Variants in DENND5A observed in about 807,000 individuals in gnomAD.
The protein encoded by DENND5A is DENN domain containing 5A, also known as DENN domain-containing protein 5A.
Under a neutral mutation model 140.3 loss-of-function variants are expected in DENND5A, and 64 were observed. That is an observed-to-expected ratio of 0.46 (90% CI 0.37 to 0.56). The LOEUF is 0.56. Ranked by LOEUF, DENND5A falls within the 20% of genes least tolerant of loss-of-function variation. The probability of loss-of-function intolerance (pLI) is 0.00; values close to 1 mark genes in which losing one functional copy is unlikely to be tolerated. For synonymous variants in DENND5A, 605 were observed against 607.7 expected (o/e 1.00, Z 0.07); for missense variants, 1,292 against 1,593.8 (o/e 0.81, Z 3.22).
chr11:9,150,775 C>T lies in DENND5A; in HGVS notation c.2522-11G>A. Reference sequence around the variant, plus strand: ...AATCAAGAAGTATTCCTAGAATAAACAAGTTGGTCATGTCCAAAGAGATCT... The same window carrying T: ...AATCAAGAAGTATTCCTAGAATAAATAAGTTGGTCATGTCCAAAGAGATCT... On this transcript the variant is annotated splice_polypyrimidine_tract_variant and intron_variant, in intron 13 of 22. Coordinates refer to ENST00000328194, the MANE Select transcript of DENND5A (RefSeq NM_015213.4). The T allele has an allele frequency of 6.3e-7, 1 of 1,595,376 alleles. No individual in the cohort carries two copies. The highest frequency in any genetic ancestry group is 8.6e-7 in the Non-Finnish European group (1 of 1,163,980).
At chr11:9,204,432 G>T (rs1416383383) in intron 3 of DENND5A, 115 bp from the exon 4 acceptor site, 2 of 969,412 alleles carry the variant, frequency 2.1e-6, no homozygotes, top group Non-Finnish European at 3.0e-6. Context: ...CGTGTATCTG[G>T]CTTAAAGCTC....
chr11:9,202,007 A>C (rs1225373997), intron 4 of DENND5A, among the ~76,000 whole-genome samples: 1 of 152,222 alleles, frequency 6.6e-6, no homozygotes, highest in Non-Finnish European at 1.5e-5. Context: ...GCCTCCTGTA[A>C]TCATGAAAAC....
intron 8 of DENND5A, chr11:9,175,649 A>G (rs1041791425): frequency 1.5e-4 from 23 of 152,232 alleles, no homozygotes; most frequent in African/African-American, 5.3e-4. Flanking sequence ...CAACAGATCA[A>G]TGAAACAGAA....
chr11:9,226,091 T>A (rs1298756187), intron 1 of DENND5A, among the ~76,000 whole-genome samples: 13 of 152,172 alleles, frequency 8.5e-5, no homozygotes, highest in Admixed American at 7.2e-4. Context: ...AAAATCATCA[T>A]CATCATCATT....
chr11:9,150,116 G>A lies in DENND5A; in HGVS notation c.2700C>T (p.His900=), dbSNP rs1290450356. ...CATGGTCTGAGAGGAGCTGCTTCAG[G>A]TGTCTGGAAAGTAACTTTTTTTCCA... ...LSMEKKLLSR[H]LKQLLSDHEL... The change falls in exon 15 of 23, where the codon CAC becomes CAT. Residue 900 remains histidine, a synonymous_variant. Transcript: ENST00000328194. 1 of 1,613,804 alleles carries A rather than the reference G, an allele frequency of 6.2e-7. No individual in the cohort carries two copies. Among genetic ancestry groups the A allele is most frequent in the Non-Finnish European group, 8.5e-7 (1 of 1,179,882 alleles).
chr11:9,245,008 GGT>G (rs1851404788), intron 1 of DENND5A, among the ~76,000 whole-genome samples: 1 of 151,740 alleles, frequency 6.6e-6, no homozygotes, highest in East Asian at 2.0e-4. Context: ...CTTCAGGCCG[GGT>G]GCGGTGGCTC....
At chr11:9,147,372 T>C (rs566438934) in intron 15 of DENND5A, among the ~76,000 whole-genome samples, 1 of 152,316 alleles carries the variant, frequency 6.6e-6, no homozygotes, top group East Asian at 1.9e-4. Context: ...ATACTGCCTG[T>C]GTCCAAGGTA....
intron 1 of DENND5A, among the ~76,000 whole-genome samples, chr11:9,251,581 G>A (rs1564942084): frequency 6.6e-6 from 1 of 152,128 alleles, no homozygotes. Context: ...GCCATGCCAG[G>A]ATTCTACCAC....
intron 1 of DENND5A, among the ~76,000 whole-genome samples, chr11:9,264,641 T>G (rs1395385250): frequency 6.6e-6 from 1 of 152,126 alleles, no homozygotes; most frequent in Non-Finnish European, 1.5e-5. Context: ...CCCTAATGGG[T>G]GCCAGAGGAC....
chr11:9,139,623 C>G lies in DENND5A; in HGVS notation c.*48G>C. ...GTCCCTTTGGGAAAAAAGGTCAGAG[C>G]TGCAGGGTGAGTCTTTCTCAGTCCT... On this transcript the variant is annotated 3_prime_UTR_variant, in exon 23 of 23. Transcript: ENST00000328194. 6.3e-7 allele frequency: 1 copy of G among 1,577,844 alleles called. No homozygotes were observed. Among genetic ancestry groups the G allele is most frequent in the Non-Finnish European group, 8.6e-7 (1 of 1,157,746 alleles).
chr11:9,144,672 C>G (rs1392383727), intron 18 of DENND5A, among the ~76,000 whole-genome samples: 1 of 152,024 alleles, frequency 6.6e-6, no homozygotes, highest in Non-Finnish European at 1.5e-5. Context: ...GCCTATCATC[C>G]CAGCTACTCG....
chr11:9,152,512 TAGA>T, intron 12 of DENND5A, 70 bp from the exon 13 acceptor site: 1 of 1,070,564 alleles, frequency 9.3e-7, no homozygotes, highest in Non-Finnish European at 1.5e-6. Context: ...AACATACAGA[TAGA>T]AGCTTTTGCT....
chr11:9,240,059 G>C (rs1851169341), intron 1 of DENND5A, among the ~76,000 whole-genome samples: 1 of 152,116 alleles, frequency 6.6e-6, no homozygotes, highest in African/African-American at 2.4e-5. Context: ...CTAGATAATA[G>C]TACTCTTTCC....
At chr11:9,156,112 G>A (rs1358866563) in intron 12 of DENND5A, among the ~76,000 whole-genome samples, 1 of 152,246 alleles carries the variant, frequency 6.6e-6, no homozygotes, top group Non-Finnish European at 1.5e-5. Context: ...ACTGAAGAAT[G>A]TCTCAGCAGG....
chr11:9,165,684 A>C (rs1205706827), intron 11 of DENND5A, 152 bp downstream of exon 11: 2 of 878,880 alleles, frequency 2.3e-6, no homozygotes, highest in Non-Finnish European at 3.5e-6. Flanking sequence ...TCCTCCTGCC[A>C]TGGTCTCCCA....
intron 1 of DENND5A, among the ~76,000 whole-genome samples, chr11:9,248,566 A>G (rs1851578835): frequency 6.6e-6 from 1 of 151,640 alleles, no homozygotes; most frequent in Non-Finnish European, 1.5e-5. Flanking sequence ...GAGTAGGAGG[A>G]TGGCTTGAAC....
At chr11:9,144,417 A>G in intron 18 of DENND5A, 139 bp from the exon 19 acceptor site, 1 of 840,168 alleles carries the variant, frequency 1.2e-6, no homozygotes. Flanking sequence ...TGGTTCCACC[A>G]TGTATCATCA....
intron 10 of DENND5A, 24 bp from the exon 11 acceptor site, chr11:9,165,991 A>C: frequency 6.2e-7 from 1 of 1,612,662 alleles, no homozygotes; most frequent in Non-Finnish European, 8.5e-7. Context: ...AAAAATAAAG[A>C]CCCTTTGTGT....
At chr11:9,211,442 A>C (rs760059014) in intron 1 of DENND5A, among the ~76,000 whole-genome samples, 9 of 152,064 alleles carry the variant, frequency 5.9e-5, no homozygotes, top group Admixed American at 1.3e-4. Flanking sequence ...ATAATAAAAT[A>C]AAAAAAGAAT....
Sources: gnomAD v4.1 joint callset for allele counts (sites outside exome capture counted in the v4.1 genomes callset) on GRCh38, gnomAD v4.1.1 for gene constraint, MANE v1.5 for transcripts, NCBI Gene and HGNC (gene_info 2026-07-23, HGNC 2026-07-21) for gene names.